Variants in GRIK4 observed in about 807,000 individuals in gnomAD.
GRIK4 encodes glutamate receptor ionotropic, kainate 4.
In GRIK4, 40 loss-of-function variants were observed where a neutral mutation model predicts 104.9. That is an observed-to-expected ratio of 0.38 (90% confidence interval 0.30 to 0.50). The LOEUF is 0.50. Ranked by LOEUF, GRIK4 falls within the 20% of genes least tolerant of loss-of-function variation. The probability of loss-of-function intolerance (pLI) is 0.93; values close to 1 mark genes in which losing one functional copy is unlikely to be tolerated. For missense variants in GRIK4, 1,047 were observed against 1,308.1 expected, an observed-to-expected ratio of 0.80 and a Z score of 3.08; for synonymous variants, 485 against 524.9, an observed-to-expected ratio of 0.92 and a Z score of 1.04.
At chr11:120,786,335 C>T (rs7105258) in intron 3 of GRIK4, among the ~76,000 whole-genome samples, 36,149 of 152,124 alleles carry the variant, frequency 0.24, 4,848 homozygotes, top group African/African-American at 0.36. Context: ...ATCTCACCAT[C>T]GCATTCCCCT....
intron 3 of GRIK4, among the ~76,000 whole-genome samples, chr11:120,757,033 G>T (rs1224558934): frequency 6.6e-6 from 1 of 152,182 alleles, no homozygotes; most frequent in Non-Finnish European, 1.5e-5. Flanking sequence ...CAGTTTGATG[G>T]CCCGTGAGTG....
chr11:120,556,939 C>G (rs1038467234), intron 1 of GRIK4, among the ~76,000 whole-genome samples: 3 of 152,090 alleles, frequency 2.0e-5, no homozygotes, highest in Non-Finnish European at 4.4e-5. Context: ...TCTGGCCTCC[C>G]TCCTGACAGC....
chr11:120,927,434 G>A (rs1239259199), intron 13 of GRIK4, among the ~76,000 whole-genome samples: 1 of 152,034 alleles, frequency 6.6e-6, no homozygotes, highest in South Asian at 2.1e-4. Context: ...GGGTGTGGTG[G>A]TGCGTGCCTG....
At position 120,986,269 on chromosome 11, in the gene GRIK4, G is replaced by GC. The variant is rs757567009; in HGVS notation, c.*11dup. The GC allele has an allele frequency of 3.7e-6, 5 of 1,338,810 alleles. No individual in the cohort carries two copies. The East Asian group carries it at 1.4e-4, about 37-fold the overall frequency. The allele number at this position is 1,338,810 out of a possible 1,614,324, so 82.9% of individuals were successfully genotyped here. ...GCAGCGAGCCCGAGTAGTCCCGGAG[G>GC]CCACAGGACGCGCAGAGGCCGGGCG... On this transcript the variant is annotated 3_prime_UTR_variant, in exon 21 of 21. Coordinates refer to ENST00000527524, the MANE Select transcript of GRIK4 (RefSeq NM_014619.5).
In GRIK4 at chr11:120,939,072, G is replaced by T. The variant is rs1256305117; in HGVS notation, c.1477-1275G>T. Among the ~76,000 whole-genome samples the T allele has an allele frequency of 3.9e-5, 6 of 152,152 alleles. No homozygotes were observed. The highest frequency in any genetic ancestry group is 7.2e-5 in the African/African-American group (3 of 41,420). ...TAGAGAAGTGAAGTGACTAGTCCAG[G>T]TTGGTTAGTTGGTTGTTAGAGTAGA... On this transcript the variant is annotated intron_variant, in intron 13 of 20. Transcript: ENST00000527524. This position sits in a 1 kb window ranked among gnomAD's most constrained non-coding sequence, Gnocchi z 5.6.
chr11:120,766,714 C>G (rs1951846414), intron 3 of GRIK4, among the ~76,000 whole-genome samples: 1 of 152,042 alleles, frequency 6.6e-6, no homozygotes. Context: ...AGGTAGTTCT[C>G]TGACCCTTTG....
At chr11:120,576,727 A>G (rs1283665680) in intron 1 of GRIK4, among the ~76,000 whole-genome samples, 1 of 152,166 alleles carries the variant, frequency 6.6e-6, no homozygotes, top group Non-Finnish European at 1.5e-5. Flanking sequence ...AGGGCCCAAG[A>G]GGTAACAAGG....
intron 1 of GRIK4, among the ~76,000 whole-genome samples, chr11:120,591,389 G>T (rs1948730797): frequency 6.6e-6 from 1 of 152,106 alleles, no homozygotes; most frequent in Non-Finnish European, 1.5e-5. Context: ...CTACTGGTTG[G>T]CAGGGAAGCT....
chr11:120,554,258 A>T (rs1948166732), intron 1 of GRIK4, among the ~76,000 whole-genome samples: 1 of 152,234 alleles, frequency 6.6e-6, no homozygotes, highest in African/African-American at 2.4e-5. Context: ...TATCATTGGC[A>T]GACAAGGTTT....
intron 3 of GRIK4, among the ~76,000 whole-genome samples, chr11:120,699,693 C>T (rs906528995): frequency 6.6e-6 from 1 of 152,114 alleles, no homozygotes; most frequent in African/African-American, 2.4e-5. Context: ...TGGAAAACCT[C>T]TCTGAGAAAG....
chr11:120,521,437 C>T (rs183436173), intron 1 of GRIK4, among the ~76,000 whole-genome samples: 2 of 152,228 alleles, frequency 1.3e-5, no homozygotes, highest in Admixed American at 6.5e-5. Flanking sequence ...TGATTTGTGT[C>T]CTCTCCCCCA....
chr11:120,735,073 G>A (rs997955435), intron 3 of GRIK4, among the ~76,000 whole-genome samples: 7 of 152,038 alleles, frequency 4.6e-5, no homozygotes, highest in African/African-American at 1.2e-4. Context: ...TTGGTCCCTC[G>A]TGCCTTATTT....
chr11:120,675,215 T>A (rs1455406008), intron 3 of GRIK4, among the ~76,000 whole-genome samples: 3 of 152,192 alleles, frequency 2.0e-5, no homozygotes, highest in Admixed American at 1.3e-4. Context: ...AGGAATGATC[T>A]CCCAAAGAGC....
chr11:120,733,016 C>A (rs115688161), intron 3 of GRIK4, among the ~76,000 whole-genome samples: 2,012 of 150,190 alleles, frequency 0.013, 40 homozygotes, highest in African/African-American at 0.046. Flanking sequence ...TAGCTGGGTG[C>A]TCAAGTGTTG....
In GRIK4 at chr11:120,982,152, T is replaced by C. The variant is rs1477004521; in HGVS notation, c.2442T>C (p.Cys814=). ...GTGGAATCTTTGTGGTTCTTATTTGTGGCTTAATCGTGGCCATTTTTATGG... is the reference window on the plus strand; with the variant it reads ...GTGGAATCTTTGTGGTTCTTATTTGCGGCTTAATCGTGGCCATTTTTATGG... ...NIGGIFVVLI[C]GLIVAIFMAM... Residue 814 remains cysteine (C), a synonymous_variant, in exon 20 of 21, where the codon TGT becomes TGC. Coordinates refer to ENST00000527524, the MANE Select transcript of GRIK4 (RefSeq NM_014619.5). 1 of 1,613,600 alleles carries C rather than the reference T, an allele frequency of 6.2e-7. No homozygotes were observed. The highest frequency in any genetic ancestry group is 2.2e-5 in the East Asian group (1 of 44,872).
chr11:120,567,786 A>C (rs982408425), intron 1 of GRIK4, among the ~76,000 whole-genome samples: 6 of 152,194 alleles, frequency 3.9e-5, no homozygotes, highest in African/African-American at 1.4e-4. Context: ...GGTATGTCTT[A>C]TGTGACAGTG....
chr11:120,612,576 T>G (rs979767769), intron 1 of GRIK4, among the ~76,000 whole-genome samples: 1 of 152,180 alleles, frequency 6.6e-6, no homozygotes, highest in Non-Finnish European at 1.5e-5. Context: ...TGAGTCCCTA[T>G]GATGAAACGT....
At chr11:120,747,133 C>A (rs898174664) in intron 3 of GRIK4, among the ~76,000 whole-genome samples, 1 of 152,324 alleles carries the variant, frequency 6.6e-6, no homozygotes, top group East Asian at 1.9e-4. Context: ...GGCCCACAAA[C>A]TCAAGCCTTT....
Position 120,648,153 on chromosome 11 carries a change from C to T in GRIK4, c.-158-5532C>T, listed in dbSNP as rs573987413. 1.6e-4 allele frequency among the ~76,000 whole-genome samples: 24 copies of T among 152,322 alleles called. No homozygotes were observed. The East Asian group carries it at 3.9e-3, about 25-fold the overall frequency. On this transcript the variant is annotated intron_variant, in intron 1 of 20. Transcript: ENST00000527524. ...GGATTTCCTCAAGGCTGTCCTGTGA[C>T]TATAGACCAGAGGGGGCTGAGCCTT...
Sources: gnomAD v4.1 joint callset for allele counts (sites outside exome capture counted in the v4.1 genomes callset) on GRCh38, gnomAD v4.1.1 for gene constraint, Gnocchi (gnomAD v3.1) non-coding constraint, MANE v1.5 for transcripts, NCBI Gene and HGNC (gene_info 2026-07-23, HGNC 2026-07-21) for gene names.